Variants in NR2F1-AS1 observed in about 807,000 individuals in gnomAD.
NR2F1-AS1 encodes the protein NR2F1 antisense RNA 1.
At chr5:93,465,763 T>C (rs1027243565) in intron 4 of NR2F1-AS1, among the ~76,000 whole-genome samples, 2 of 152,222 alleles carry the variant, frequency 1.3e-5, no homozygotes, top group African/African-American at 4.8e-5. Flanking sequence ...GATGAGTTCA[T>C]GTCCTTTGCA....
chr5:93,538,126 C>T (rs1030914843), intron 4 of NR2F1-AS1, among the ~76,000 whole-genome samples: 6 of 152,110 alleles, frequency 3.9e-5, no homozygotes, highest in African/African-American at 1.4e-4. Context: ...CAACCCTGAA[C>T]TGGCATAATG....
chr5:93,484,686 T>C (rs187839524), intron 4 of NR2F1-AS1, among the ~76,000 whole-genome samples: 2 of 151,436 alleles, frequency 1.3e-5, no homozygotes, highest in Admixed American at 6.6e-5. Flanking sequence ...GACCCATCAA[T>C]GTGCTGTATT....
intron 4 of NR2F1-AS1, among the ~76,000 whole-genome samples, chr5:93,491,962 TAAATC>T (rs1269720151): frequency 1.3e-5 from 2 of 152,196 alleles, no homozygotes; most frequent in African/African-American, 2.4e-5. Context: ...ATTCCCATAA[TAAATC>T]TCCTCTTATC....
chr5:93,436,038 A>T (rs1458194652), intron 4 of NR2F1-AS1, among the ~76,000 whole-genome samples: 1 of 152,210 alleles, frequency 6.6e-6, no homozygotes, highest in African/African-American at 2.4e-5. Flanking sequence ...AATTAATCTA[A>T]TGTTTAAAGC....
At chr5:93,439,351 T>G (rs193007064) in intron 4 of NR2F1-AS1, among the ~76,000 whole-genome samples, 1 of 152,164 alleles carries the variant, frequency 6.6e-6, no homozygotes, top group Non-Finnish European at 1.5e-5. Flanking sequence ...TGGAGTGGAG[T>G]GGCGCGATCT....
intron 4 of NR2F1-AS1, among the ~76,000 whole-genome samples, chr5:93,425,297 G>A (rs1360745639): frequency 1.3e-5 from 2 of 152,082 alleles, no homozygotes; most frequent in South Asian, 2.1e-4. Flanking sequence ...CAAGAGCCTC[G>A]GTTCTTTTCT....
At chr5:93,572,633 A>G (rs937797583) in intron 1 of NR2F1-AS1, among the ~76,000 whole-genome samples, 1 of 152,170 alleles carries the variant, frequency 6.6e-6, no homozygotes, top group African/African-American at 2.4e-5. Context: ...TCCAGGTACA[A>G]ACACCACCAG....
chr5:93,413,257 G>A (rs949304290), intron 4 of NR2F1-AS1, among the ~76,000 whole-genome samples: 3 of 149,824 alleles, frequency 2.0e-5, no homozygotes, highest in African/African-American at 4.9e-5. Flanking sequence ...CTGATCTCTA[G>A]AAAGAAAAGG....
intron 1 of NR2F1-AS1, among the ~76,000 whole-genome samples, chr5:93,574,662 G>A (rs1378127887): frequency 6.6e-6 from 1 of 152,144 alleles, no homozygotes; most frequent in Non-Finnish European, 1.5e-5. Context: ...TAAAAGTGGG[G>A]TTTCTCTGTG....
chr5:93,562,420 G>A (rs1752513556), intron 2 of NR2F1-AS1, among the ~76,000 whole-genome samples: 1 of 152,054 alleles, frequency 6.6e-6, no homozygotes, highest in Admixed American at 6.6e-5. Flanking sequence ...GCCTCCCAAG[G>A]AGATGGGTCC....
intron 4 of NR2F1-AS1, among the ~76,000 whole-genome samples, chr5:93,453,710 C>A (rs948849300): frequency 1.3e-5 from 2 of 151,746 alleles, no homozygotes; most frequent in African/African-American, 4.8e-5. Context: ...CTTTAAAGTA[C>A]TGAAACAAAA....
At chr5:93,478,937 T>C (rs1750544397) in intron 4 of NR2F1-AS1, among the ~76,000 whole-genome samples, 1 of 152,226 alleles carries the variant, frequency 6.6e-6, no homozygotes, top group East Asian at 1.9e-4. Flanking sequence ...AGGAAAGTGA[T>C]GTCATGGAAG....
chr5:93,573,454 GA>G (rs1179136403), intron 1 of NR2F1-AS1, among the ~76,000 whole-genome samples: 1 of 152,068 alleles, frequency 6.6e-6, no homozygotes, highest in African/African-American at 2.4e-5. Flanking sequence ...AGTCACTCCC[GA>G]GGACTTGGGG....
intron 4 of NR2F1-AS1, among the ~76,000 whole-genome samples, chr5:93,424,440 C>T (rs1370736164): frequency 6.6e-6 from 1 of 151,552 alleles, no homozygotes; most frequent in Non-Finnish European, 1.5e-5. Context: ...TATTTATACT[C>T]CTTCTTCTCC....
At chr5:93,575,329 AATACT>A (rs1323076687) in intron 1 of NR2F1-AS1, among the ~76,000 whole-genome samples, 1 of 152,232 alleles carries the variant, frequency 6.6e-6, no homozygotes, top group East Asian at 1.9e-4. Context: ...TTTTGAAGTA[AATACT>A]ATAACAATGC....
At chr5:93,576,570 A>G (rs1331087713) in intron 1 of NR2F1-AS1, among the ~76,000 whole-genome samples, 1 of 152,178 alleles carries the variant, frequency 6.6e-6, no homozygotes, top group Non-Finnish European at 1.5e-5. Context: ...CTGATAGGTA[A>G]ATACAATTGC....
chr5:93,463,382 G>A (rs775345666), intron 4 of NR2F1-AS1, among the ~76,000 whole-genome samples: 10 of 152,226 alleles, frequency 6.6e-5, no homozygotes, highest in Non-Finnish European at 1.5e-4. Flanking sequence ...GGAAATGCCC[G>A]GATGTCCAGG....
chr5:93,554,652 TTAAGTGCC>T (rs1309220523), intron 3 of NR2F1-AS1, among the ~76,000 whole-genome samples: 1 of 152,238 alleles, frequency 6.6e-6, no homozygotes, highest in Non-Finnish European at 1.5e-5. Flanking sequence ...AATCACAATG[TTAAGTGCC>T]TATGATGAGC....
chr5:93,489,286 A>AACC (rs1290449197), intron 4 of NR2F1-AS1, among the ~76,000 whole-genome samples: 2 of 151,960 alleles, frequency 1.3e-5, no homozygotes, highest in Non-Finnish European at 2.9e-5. Context: ...AACCTTCAGC[A>AACC]ACCACCACCC....
Sources: gnomAD v4.1 joint callset for allele counts (sites outside exome capture counted in the v4.1 genomes callset) on GRCh38, gnomAD v4.1.1 for gene constraint, MANE v1.5 for transcripts, NCBI Gene and HGNC (gene_info 2026-07-23, HGNC 2026-07-21) for gene names.